Variants in RABGAP1L observed in about 807,000 individuals in gnomAD.
RABGAP1L encodes the protein rab GTPase-activating protein 1-like.
RABGAP1L carries 63 observed loss-of-function variants against 137.7 expected under a neutral mutation model. The ratio of observed to expected loss-of-function variants is 0.46; its 90% CI spans 0.37 to 0.56. RABGAP1L has a LOEUF of 0.56. Ranked by LOEUF, RABGAP1L falls within the 20% of genes least tolerant of loss-of-function variation. RABGAP1L has a pLI of 0.00. For synonymous variants in RABGAP1L, 431 were observed against 433.7 expected (o/e 0.99, Z 0.08); for missense variants, 1,095 against 1,244.0 (o/e 0.88, Z 1.80).
At chr1:174,606,525 T>C (rs1670807627) in intron 13 of RABGAP1L, among the ~76,000 whole-genome samples, 1 of 152,258 alleles carries the variant, frequency 6.6e-6, no homozygotes, top group African/African-American at 2.4e-5. Context: ...TGGTCTTTAT[T>C]TGGCATTTGA....
At chr1:174,390,702 T>G (rs1029164804) in intron 12 of RABGAP1L, among the ~76,000 whole-genome samples, 1 of 152,116 alleles carries the variant, frequency 6.6e-6, no homozygotes, top group African/African-American at 2.4e-5. Context: ...TTGTAGAGGT[T>G]GAGAAAATAA....
At chr1:174,776,421 A>C (rs1686529849) in intron 18 of RABGAP1L, among the ~76,000 whole-genome samples, 1 of 152,146 alleles carries the variant, frequency 6.6e-6, no homozygotes, top group Non-Finnish European at 1.5e-5. Context: ...AGAGAATAGT[A>C]CATCCTCCTA....
chr1:174,291,344 T>G (rs2148718592), intron 10 of RABGAP1L, among the ~76,000 whole-genome samples: 1 of 152,304 alleles, frequency 6.6e-6, no homozygotes, highest in East Asian at 1.9e-4. Context: ...TCTTTTTATA[T>G]ATCACTTTAT....
chr1:174,193,259 C>T (rs115147119), intron 1 of RABGAP1L, among the ~76,000 whole-genome samples: 9,234 of 152,288 alleles, frequency 0.061, 977 homozygotes, highest in African/African-American at 0.21. Context: ...TGGCTGAGCG[C>T]GGTGGCTCAC....
intron 1 of RABGAP1L, among the ~76,000 whole-genome samples, chr1:174,210,876 T>A (rs1668835880): frequency 6.6e-6 from 1 of 152,146 alleles, no homozygotes; most frequent in African/African-American, 2.4e-5. Context: ...TAACATATAA[T>A]GGAGCTCCAT....
chr1:174,168,823 C>T (rs2148218635), intron 1 of RABGAP1L, among the ~76,000 whole-genome samples: 1 of 152,334 alleles, frequency 6.6e-6, no homozygotes, highest in South Asian at 2.1e-4. Context: ...TAAATTTTCA[C>T]TGAGGCTAGG....
At chr1:174,925,306 C>T (rs1156512745) in intron 19 of RABGAP1L, among the ~76,000 whole-genome samples, 1 of 145,150 alleles carries the variant, frequency 6.9e-6, no homozygotes, top group African/African-American at 2.6e-5. Flanking sequence ...CGAGATCACG[C>T]CACTGCACTC....
chr1:174,213,991 G>C (rs1669097319), intron 1 of RABGAP1L, among the ~76,000 whole-genome samples: 1 of 152,158 alleles, frequency 6.6e-6, no homozygotes, highest in South Asian at 2.1e-4. Flanking sequence ...GTCCTAGCTA[G>C]AGCTATCAGA....
intron 13 of RABGAP1L, among the ~76,000 whole-genome samples, chr1:174,489,134 TA>T: frequency 6.6e-6 from 1 of 151,886 alleles, no homozygotes; most frequent in South Asian, 2.1e-4. Flanking sequence ...ACTTCATGAC[TA>T]AAACACCAAA....
intron 19 of RABGAP1L, among the ~76,000 whole-genome samples, chr1:174,888,470 T>G (rs1655554872): frequency 6.6e-6 from 1 of 152,204 alleles, no homozygotes; most frequent in Non-Finnish European, 1.5e-5. Flanking sequence ...TCTCTCTTCC[T>G]CTTAATGGTA....
At chr1:174,431,130 A>G (rs183544714) in intron 13 of RABGAP1L, among the ~76,000 whole-genome samples, 1 of 152,296 alleles carries the variant, frequency 6.6e-6, no homozygotes, top group East Asian at 1.9e-4. Flanking sequence ...CCCATTATTT[A>G]AAATGGGTCT....
chr1:174,615,967 C>G (rs1671812029), intron 13 of RABGAP1L, among the ~76,000 whole-genome samples: 1 of 152,224 alleles, frequency 6.6e-6, no homozygotes, highest in African/African-American at 2.4e-5. Flanking sequence ...CCCGATTTTC[C>G]AGGTGCCGTC....
intron 7 of RABGAP1L, 102 bp from the exon 8 acceptor site, chr1:174,272,312 A>C: frequency 4.2e-6 from 5 of 1,176,744 alleles, no homozygotes; most frequent in Non-Finnish European, 5.8e-6. Context: ...TTATAAATAC[A>C]GAGCTCAGAT....
intron 1 of RABGAP1L, among the ~76,000 whole-genome samples, chr1:174,166,248 T>G (rs1217209153): frequency 6.6e-6 from 1 of 152,154 alleles, no homozygotes; most frequent in East Asian, 1.9e-4. Context: ...TTTGTTTGTT[T>G]TTTGTTTTTC....
In RABGAP1L at chr1:174,482,447, C is replaced by G. The variant is rs559184499; in HGVS notation, c.1710+88302C>G. Among the ~76,000 whole-genome samples, 7 of 152,110 alleles carry G rather than the reference C, an allele frequency of 4.6e-5. No individual in the cohort carries two copies. In the South Asian group the frequency reaches 1.5e-3, roughly 32 times the overall value. ...AGGAATTCTATATAATATAGTTATC[C>G]CAGTGAAGAAGGAGCCCAGATAAGA... On this transcript the variant is annotated intron_variant, in intron 13 of 25. Transcript: ENST00000681986.
intron 12 of RABGAP1L, among the ~76,000 whole-genome samples, chr1:174,387,806 A>G (rs916436207): frequency 6.6e-6 from 1 of 152,052 alleles, no homozygotes; most frequent in African/African-American, 2.4e-5. Context: ...TTATTTAAAG[A>G]TCTGAGGGAA....
At chr1:174,217,088 G>A (rs1188045169) in intron 1 of RABGAP1L, among the ~76,000 whole-genome samples, 1 of 152,108 alleles carries the variant, frequency 6.6e-6, no homozygotes, top group East Asian at 1.9e-4. Context: ...TTGGAAGTGG[G>A]TCTGACATGA....
intron 3 of RABGAP1L, among the ~76,000 whole-genome samples, chr1:174,225,585 TC>T (rs1189149258): frequency 9.9e-5 from 15 of 152,012 alleles, no homozygotes; most frequent in African/African-American, 3.6e-4. Flanking sequence ...CAAAGTATTT[TC>T]AATTCTCAAA....
At chr1:174,458,111 T>A (rs767838906) in intron 13 of RABGAP1L, among the ~76,000 whole-genome samples, 5 of 152,132 alleles carry the variant, frequency 3.3e-5, no homozygotes, top group Non-Finnish European at 7.4e-5. Context: ...CTATATGGAC[T>A]TTATATGGAT....
Sources: allele counts gnomAD v4.1 joint callset (sites outside exome capture counted in the v4.1 genomes callset), GRCh38; gene constraint gnomAD v4.1.1; transcripts MANE v1.5; gene names NCBI Gene and HGNC (gene_info 2026-07-23, HGNC 2026-07-21).